CHD9: variants seen among roughly 807,000 people sequenced by gnomAD.
The protein encoded by CHD9 is ATP-dependent chromatin remodeler CHD9.
In CHD9, 77 loss-of-function variants were observed where a neutral mutation model predicts 316.1. The observed-to-expected ratio is 0.24, with a 90% CI of 0.20 to 0.29. The LOEUF (loss-of-function observed/expected upper bound fraction) is 0.29, where lower values mean the gene tolerates loss of function less well. Ranked by LOEUF, CHD9 falls within the 10% of genes least tolerant of loss-of-function variation. The probability of loss-of-function intolerance (pLI) is 1.00; values close to 1 mark genes in which losing one functional copy is unlikely to be tolerated. For missense variants in CHD9, 2,763 were observed against 3,438.1 expected (o/e 0.80, Z 4.91); for synonymous variants, 1,129 against 1,158.3 (o/e 0.97, Z 0.51).
At chr16:53,136,059 G>T (rs1389210191) in intron 1 of CHD9, among the ~76,000 whole-genome samples, 1 of 151,934 alleles carries the variant, frequency 6.6e-6, no homozygotes, top group Non-Finnish European at 1.5e-5. Flanking sequence ...TTTTAATGAG[G>T]CTTCTCATTT....
intron 24 of CHD9, among the ~76,000 whole-genome samples, chr16:53,284,835 G>C (rs1229590682): frequency 6.6e-6 from 1 of 152,148 alleles, no homozygotes; most frequent in Non-Finnish European, 1.5e-5. Context: ...ACACGATCTT[G>C]GTTTGCTGTC....
At chr16:53,082,269 GC>G (rs2035096824) in intron 1 of CHD9, among the ~76,000 whole-genome samples, 1 of 148,816 alleles carries the variant, frequency 6.7e-6, no homozygotes, top group African/African-American at 2.5e-5. Flanking sequence ...TCAGCATCTT[GC>G]CCTGTCATCC....
chr16:53,208,707 C>T, intron 2 of CHD9: 3 of 986,686 alleles, frequency 3.0e-6, no homozygotes, highest in African/African-American at 1.7e-5. Flanking sequence ...GGCATGTTTA[C>T]GGGTAAGAAC....
intron 24 of CHD9, among the ~76,000 whole-genome samples, chr16:53,275,556 T>A (rs1484909400): frequency 6.6e-6 from 1 of 152,114 alleles, no homozygotes; most frequent in East Asian, 1.9e-4. Flanking sequence ...CTACTAGAAT[T>A]TTCTATTTCT....
rs759065025 is a variant in CHD9 at position 53,324,668 on chromosome 16, A to G, written c.8467A>G (p.Asn2823Asp). 2.5e-6 allele frequency: 4 copies of G among 1,613,708 alleles called. No homozygotes were observed. Among genetic ancestry groups the G allele is most frequent in the Non-Finnish European group, 3.4e-6 (4 of 1,179,780 alleles). ...NLHIPTLSQS[N>D]TFDVQNKNSD... is the part of the protein sequence containing the mutation. ...TCATATTCCAACTTTGTCCCAGTCC[A>G]ATACTTTTGATGTACAAAACAAAAA... The change falls in exon 39 of 39, where the codon AAT becomes GAT. Residue 2823 changes from asparagine (N) to aspartate (D), a missense_variant. Physicochemically the swap from Asn to Asp is conservative, Grantham distance 23. This residue lies in a region of CHD9 where 298 missense variants were observed against 380.2 expected (regional missense o/e 0.78). Coordinates refer to ENST00000447540, the MANE Select transcript of CHD9 (RefSeq NM_001308319.2).
rs759394911 is a variant in CHD9, at chr16:53,255,623, A to G, written c.4053A>G (p.Glu1351=). The change falls in exon 19 of 39, where the codon GAA becomes GAG. Residue 1351 remains glutamate (E), a synonymous_variant. Transcript: ENST00000447540. Reference sequence around the variant, plus strand: ...AGATTCAGCAGCTTTCCAAAAAGGAAATAGAAGATCTGCTTCGAAGAGGTG... The same window carrying G: ...AGATTCAGCAGCTTTCCAAAAAGGAGATAGAAGATCTGCTTCGAAGAGGTG... ...VGGIQQLSKK[E]IEDLLRRGAY... 6.2e-7 allele frequency: 1 copy of G among 1,612,828 alleles called. No individual in the cohort carries two copies. The highest frequency in any genetic ancestry group is 1.1e-5 in the South Asian group (1 of 90,884).
At chr16:53,291,844 T>TA in intron 28 of CHD9, 77 bp downstream of exon 28, 1 of 868,378 alleles carries the variant, frequency 1.2e-6, no homozygotes, top group South Asian at 2.3e-5. Flanking sequence ...AGTAAACTAT[T>TA]ACACTTTTAT....
chr16:53,172,047 A>G (rs892344634), intron 2 of CHD9, among the ~76,000 whole-genome samples: 4 of 152,322 alleles, frequency 2.6e-5, no homozygotes, highest in Non-Finnish European at 5.9e-5. Flanking sequence ...TAAAATGGAC[A>G]TATAATAAAC....
intron 1 of CHD9, among the ~76,000 whole-genome samples, chr16:53,074,522 A>G (rs550757577): frequency 2.6e-5 from 4 of 152,342 alleles, no homozygotes; most frequent in Admixed American, 6.5e-5. Context: ...TTGAGGAGGA[A>G]AAAATGGTTT....
intron 34 of CHD9, among the ~76,000 whole-genome samples, chr16:53,309,681 T>G (rs1443070426): frequency 1.3e-5 from 2 of 152,190 alleles, no homozygotes; most frequent in African/African-American, 2.4e-5. Flanking sequence ...TTGCCTAGGC[T>G]GGTCCTAAAC....
rs781019288 is a variant in CHD9 at position 53,267,303 on chromosome 16, G to GTTA, written c.4333_4335dup (p.Ile1445dup). On this transcript the variant is annotated inframe_insertion, in exon 21 of 39. Coordinates refer to ENST00000447540, the MANE Select transcript of CHD9 (RefSeq NM_001308319.2). ...CAGTTCTGTTTTACAGAACAGCTTG[G>GTTA]TTATTGACACTCCAAGAATTAGGAA... 6.2e-7 allele frequency: 1 copy of GTTA among 1,607,012 alleles called. No homozygotes were observed. Among genetic ancestry groups the GTTA allele is most frequent in the Admixed American group, 1.7e-5 (1 of 59,146 alleles).
Position 53,082,247 on chromosome 16 carries a change from T to TATTC in CHD9, c.-165+27173_-165+27176dup, listed in dbSNP as rs1247755981. ...TTATTTATTTATTTATTTATTTATT[T>TATTC]ATTCATGTATGTCAGCATCTTGCCC... On this transcript the variant is annotated intron_variant, in intron 1 of 38. Coordinates refer to ENST00000447540, the MANE Select transcript of CHD9 (RefSeq NM_001308319.2). Among the ~76,000 whole-genome samples the TATTC allele has an allele frequency of 2.3e-4, 30 of 133,132 alleles. 1 individual carries two copies. Among genetic ancestry groups the TATTC allele is most frequent in the African/African-American group, 5.7e-4 (20 of 35,184 alleles). The allele number at this position is 133,132 out of a possible 152,430, so 87.3% of individuals were successfully genotyped here.
At chr16:53,149,548 T>C (rs2040914215) in intron 1 of CHD9, among the ~76,000 whole-genome samples, 1 of 151,042 alleles carries the variant, frequency 6.6e-6, no homozygotes, top group South Asian at 2.1e-4. Context: ...TCTTGTAACC[T>C]TTCTCTCTCT....
At chr16:53,194,668 A>G (rs1483835861) in intron 2 of CHD9, among the ~76,000 whole-genome samples, 1 of 152,228 alleles carries the variant, frequency 6.6e-6, no homozygotes, top group Non-Finnish European at 1.5e-5. Flanking sequence ...AAATGTGAGT[A>G]TAGATTTAAA....
intron 8 of CHD9, among the ~76,000 whole-genome samples, chr16:53,230,204 T>C (rs995058205): frequency 6.6e-6 from 1 of 152,226 alleles, no homozygotes; most frequent in South Asian, 2.1e-4. Flanking sequence ...GTGAATGATA[T>C]AAGATGGTAC....
chr16:53,130,365 G>A (rs2039168012), intron 1 of CHD9, among the ~76,000 whole-genome samples: 1 of 152,116 alleles, frequency 6.6e-6, no homozygotes, highest in Admixed American at 6.5e-5. Context: ...CTTCCTCGGC[G>A]GACCCGAGCT....
chr16:53,093,061 G>A (rs1043716344), intron 1 of CHD9, among the ~76,000 whole-genome samples: 4 of 152,222 alleles, frequency 2.6e-5, no homozygotes, highest in East Asian at 1.9e-4. Context: ...TTACAGGCAT[G>A]AGCCATTATG....
chr16:53,056,379 G>A (rs1402854603), intron 1 of CHD9, among the ~76,000 whole-genome samples: 2 of 152,176 alleles, frequency 1.3e-5, no homozygotes, highest in Non-Finnish European at 2.9e-5. Flanking sequence ...TGTTTACTAA[G>A]GGTTCACCCT....
At chr16:53,070,576 T>C (rs371402267) in intron 1 of CHD9, among the ~76,000 whole-genome samples, 6 of 151,704 alleles carry the variant, frequency 4.0e-5, no homozygotes, top group South Asian at 4.2e-4. Context: ...TTTCTTTTTT[T>C]TGGAGTCTTG....
Sources: gnomAD v4.1 joint callset for allele counts (sites outside exome capture counted in the v4.1 genomes callset) on GRCh38, gnomAD v4.1.1 for gene constraint, gnomAD v4.1.1 regional missense constraint, MANE v1.5 for transcripts, NCBI Gene and HGNC (gene_info 2026-07-23, HGNC 2026-07-21) for gene names.